The following FAM20C variants were observed in gnomAD, a reference collection of about 807,000 sequenced individuals.
The protein encoded by FAM20C is extracellular serine/threonine protein kinase FAM20C.
A neutral mutation model predicts 51.5 loss-of-function variants in FAM20C; 40 were observed. The observed-to-expected ratio is 0.78, with a 90% CI of 0.60 to 1.01. The LOEUF (loss-of-function observed/expected upper bound fraction) is 1.01, where lower values mean the gene tolerates loss of function less well. Among genes scored for constraint, FAM20C ranks in the 50% least tolerant of loss-of-function variants. The probability of loss-of-function intolerance (pLI) is 0.00; values close to 1 mark genes in which losing one functional copy is unlikely to be tolerated. For synonymous variants in FAM20C, 406 were observed against 380.6 expected, an observed-to-expected ratio of 1.07 and a Z score of -0.78; for missense variants, 861 against 844.7, an observed-to-expected ratio of 1.02 and a Z score of -0.24.
At chr7:259,137 G>A (rs1479599680) in intron 9 of FAM20C, among the ~76,000 whole-genome samples, 24 of 152,224 alleles carry the variant, frequency 1.6e-4, no homozygotes, top group Admixed American at 1.6e-3. Context: ...ACTTCTCTAA[G>A]GAGGCATCAC....
intron 2 of FAM20C, among the ~76,000 whole-genome samples, chr7:200,638 C>G (rs1786085769): frequency 6.6e-6 from 1 of 152,210 alleles, no homozygotes; most frequent in Non-Finnish European, 1.5e-5. Flanking sequence ...CTGCAGTTTT[C>G]TTTTAAAAAA....
chr7:205,395 A>ACGGACACGCACCGC, intron 2 of FAM20C, among the ~76,000 whole-genome samples: 1 of 147,214 alleles, frequency 6.8e-6, no homozygotes, highest in African/African-American at 2.5e-5. Flanking sequence ...ACACACCACC[A>ACGGACACGCACCGC]CACCAGTTAA....
rs1201470887 is a variant in FAM20C, at chr7:205,298, A to ACCG, written c.785-3598_785-3597insGCC. ...CGAGTAGCCGGGACCACGGACACGC[A>ACCG]CCACCACGACGTCAGCCCCCCGAGT... On this transcript the variant is annotated intron_variant, in intron 2 of 9. Coordinates refer to ENST00000313766, the MANE Select transcript of FAM20C (RefSeq NM_020223.4). Among the ~76,000 whole-genome samples the ACCG allele has an allele frequency of 5.9e-3, 854 of 145,210 alleles. 15 individuals carry two copies. Among genetic ancestry groups the ACCG allele is most frequent in the Middle Eastern group, 0.014 (4 of 288 alleles).
At chr7:230,637 GC>G (rs1043896717) in intron 3 of FAM20C, among the ~76,000 whole-genome samples, 3 of 152,132 alleles carry the variant, frequency 2.0e-5, no homozygotes, top group Admixed American at 6.5e-5. Flanking sequence ...AAAAACGCCT[GC>G]CCCATAGAGC....
rs773741100 is a variant in FAM20C, at chr7:256,972, A to G, written c.1364-33A>G. 20 of 1,535,860 alleles carry G rather than the reference A, an allele frequency of 1.3e-5. No homozygotes were observed. In the South Asian group the frequency reaches 2.4e-4, roughly 18 times the overall value. On this transcript the variant is annotated intron_variant, in intron 7 of 9. Coordinates refer to ENST00000313766, the MANE Select transcript of FAM20C (RefSeq NM_020223.4). Reference sequence around the variant, plus strand: ...TCTGAGCTACGTGGCCCGGCTCCCCACGAGCTGTGACACTTTCTGCCTCTC... The same window carrying G: ...TCTGAGCTACGTGGCCCGGCTCCCCGCGAGCTGTGACACTTTCTGCCTCTC...
intron 9 of FAM20C, 84 bp downstream of exon 9, chr7:258,789 C>A: frequency 7.7e-7 from 1 of 1,293,640 alleles, no homozygotes; most frequent in African/African-American, 1.5e-5. Flanking sequence ...CTTCCCCACC[C>A]CACCCCGGCC....
chr7:214,325 C>CA (rs553411805), intron 3 of FAM20C, among the ~76,000 whole-genome samples: 1,893 of 142,734 alleles, frequency 0.013, 33 homozygotes, highest in African/African-American at 0.045. Flanking sequence ...AACTCGGTCT[C>CA]AAAAAAAAAA....
intron 5 of FAM20C, among the ~76,000 whole-genome samples, chr7:254,619 C>A (rs1028932389): frequency 1.3e-5 from 2 of 152,196 alleles, no homozygotes; most frequent in Admixed American, 1.3e-4. Flanking sequence ...TCATGTACCA[C>A]AAAATTTACC....
chr7:202,889 CAGA>C (rs373946540), intron 2 of FAM20C, among the ~76,000 whole-genome samples: 2 of 152,308 alleles, frequency 1.3e-5, no homozygotes, highest in African/African-American at 4.8e-5. Flanking sequence ...GACCTGTTTC[CAGA>C]AGAAGGACTG....
chr7:201,245 A>T (rs1297449171), intron 2 of FAM20C, among the ~76,000 whole-genome samples: 1 of 152,192 alleles, frequency 6.6e-6, no homozygotes, highest in Non-Finnish European at 1.5e-5. Context: ...ACCCCCAAGG[A>T]CAGACGCTGG....
chr7:244,624 A>G (rs1002206435), intron 3 of FAM20C, among the ~76,000 whole-genome samples: 3 of 152,102 alleles, frequency 2.0e-5, no homozygotes, highest in Non-Finnish European at 4.4e-5. Flanking sequence ...CTGCACCCCA[A>G]CCCTCCTTTG....
At chr7:244,564 C>T (rs1398060484) in intron 3 of FAM20C, among the ~76,000 whole-genome samples, 3 of 152,344 alleles carry the variant, frequency 2.0e-5, no homozygotes, top group Non-Finnish European at 4.4e-5. Flanking sequence ...GCAGGGCGAC[C>T]CTGGCGGGCA....
intron 5 of FAM20C, among the ~76,000 whole-genome samples, chr7:253,722 T>G (rs1472271210): frequency 7.3e-6 from 1 of 137,616 alleles, no homozygotes; most frequent in African/African-American, 2.7e-5. Context: ...CTCCAAGCCC[T>G]CCTAACCCCG....
rs762656827 is a variant in FAM20C at position 258,398 on chromosome 7, GA to G, written c.1446-247del. ...TGGGCAGGGTGGACCCACTGCCCGG[GA>G]TGCTGGAGATGGGTGGGGTGGACCC... On this transcript the variant is annotated intron_variant, in intron 8 of 9. Transcript: ENST00000313766. Among the ~76,000 whole-genome samples the G allele has an allele frequency of 5.7e-4, 62 of 109,264 alleles. 10 individuals carry two copies. The highest frequency in any genetic ancestry group is 1.0e-3 in the Non-Finnish European group (48 of 46,350). 71.7% of individuals were successfully genotyped at this position (109,264 alleles called of 152,430 possible). A position where few individuals can be genotyped will look rare whatever the true frequency, so the allele number is the denominator to read the frequency against.
intron 2 of FAM20C, among the ~76,000 whole-genome samples, chr7:196,144 T>A (rs1785859227): frequency 1.3e-5 from 2 of 152,258 alleles, no homozygotes; most frequent in Admixed American, 1.3e-4. Context: ...CCTGGCTGGG[T>A]GGGGAGACAG....
intron 3 of FAM20C, among the ~76,000 whole-genome samples, chr7:223,659 G>A (rs1207218681): frequency 2.6e-5 from 4 of 152,206 alleles, no homozygotes; most frequent in African/African-American, 9.7e-5. Context: ...TGCCTGCAGA[G>A]GGGTCAGCCT....
chr7:195,750 C>T lies in FAM20C; in HGVS notation c.784+18C>T, dbSNP rs1280368701. 1.3e-6 allele frequency: 2 copies of T among 1,563,484 alleles called. No homozygotes were observed. Among genetic ancestry groups the T allele is most frequent in the South Asian group, 2.4e-5 (2 of 83,956 alleles). On this transcript the variant is annotated intron_variant, in intron 2 of 9. Coordinates refer to ENST00000313766, the MANE Select transcript of FAM20C (RefSeq NM_020223.4). ...CAGCGTGGGTAGGTGTCCTTGGGTG[C>T]ACTCAGGGCCGTCTGTGTGCCGGCT...
rs944403489 is a variant in FAM20C, at chr7:224,173, G to T, written c.863+15197G>T. On this transcript the variant is annotated intron_variant, in intron 3 of 9. Coordinates refer to ENST00000313766, the MANE Select transcript of FAM20C (RefSeq NM_020223.4). ...GGCTGTCCCCTGAGCATTCTCTCAC[G>T]GAGCAGAACGGCACCGTCACGGGGT... Among the ~76,000 whole-genome samples the T allele has an allele frequency of 1.3e-3, 167 of 129,130 alleles. 2 individuals carry two copies. The highest frequency in any genetic ancestry group is 4.4e-3 in the Middle Eastern group (1 of 226). The allele number at this position is 129,130 out of a possible 152,430, so 84.7% of individuals were successfully genotyped here. A position where few individuals can be genotyped will look rare whatever the true frequency, so the allele number is the denominator to read the frequency against.
intron 2 of FAM20C, among the ~76,000 whole-genome samples, chr7:200,120 C>T (rs1237913457): frequency 6.6e-6 from 1 of 152,252 alleles, no homozygotes; most frequent in African/African-American, 2.4e-5. Context: ...CGAGAGGGAG[C>T]TGCCTGCAGG....
Sources: gnomAD v4.1 joint callset for allele counts (sites outside exome capture counted in the v4.1 genomes callset) on GRCh38, gnomAD v4.1.1 for gene constraint, MANE v1.5 for transcripts, NCBI Gene and HGNC (gene_info 2026-07-23, HGNC 2026-07-21) for gene names.